HIPK3: variants seen among roughly 807,000 people sequenced by gnomAD.
HIPK3 encodes the protein homeodomain interacting protein kinase 3.
In HIPK3, 47 loss-of-function variants were observed where a neutral mutation model predicts 124.2. The ratio of observed to expected loss-of-function variants is 0.38; its 90% CI spans 0.30 to 0.48. The LOEUF (loss-of-function observed/expected upper bound fraction) is 0.48, where lower values mean the gene tolerates loss of function less well. Ranked by LOEUF, HIPK3 falls within the 20% of genes least tolerant of loss-of-function variation. HIPK3 has a pLI of 0.98. For synonymous variants in HIPK3, 482 were observed against 515.2 expected (o/e 0.94, Z 0.87); for missense variants, 1,286 against 1,454.3 (o/e 0.88, Z 1.88).
At chr11:33,353,047 T>C (rs865815789) in intron 16 of HIPK3, 45 bp from the exon 17 acceptor site, 1 of 1,125,960 alleles carries the variant, frequency 8.9e-7, no homozygotes, top group Middle Eastern at 2.0e-4. Context: ...CTTTTATCTT[T>C]TAAGGTATGT....
At chr11:33,348,943 A>G in intron 13 of HIPK3, 125 bp downstream of exon 13, 1 of 969,926 alleles carries the variant, frequency 1.0e-6, no homozygotes, top group Non-Finnish European at 1.5e-6. Context: ...TAAATTAGAT[A>G]ACCCAGTTCT....
chr11:33,274,635 G>T (rs938759848), intron 1 of HIPK3, among the ~76,000 whole-genome samples: 1 of 152,056 alleles, frequency 6.6e-6, no homozygotes, highest in East Asian at 1.9e-4. Context: ...TTCTGTCAGG[G>T]TTTCCATTTC....
At chr11:33,259,571 C>A (rs1278270834) in intron 1 of HIPK3, among the ~76,000 whole-genome samples, 1 of 152,110 alleles carries the variant, frequency 6.6e-6, no homozygotes, top group Admixed American at 6.5e-5. Context: ...AGTTTTAAGT[C>A]AATGAAATAT....
chr11:33,284,596 T>G (rs1332003499), intron 1 of HIPK3, among the ~76,000 whole-genome samples: 1 of 152,202 alleles, frequency 6.6e-6, no homozygotes, highest in Non-Finnish European at 1.5e-5. Context: ...AGTTGGAGGC[T>G]GCAGTGAGCT....
In HIPK3 at chr11:33,355,013, A is replaced by G. The variant is rs892209944; in HGVS notation, c.*1445A>G. The G allele has an allele frequency of 1.3e-5, 2 of 152,104 alleles. No individual in the cohort carries two copies. Among genetic ancestry groups the G allele is most frequent in the African/African-American group, 2.4e-5 (1 of 41,458 alleles). 9.4% of individuals were successfully genotyped at this position (152,104 alleles called of 1,614,324 possible). A position where few individuals can be genotyped will look rare whatever the true frequency, so the allele number is the denominator to read the frequency against. ...GTAAAGGTGGAATTTAAGGAAAGGT[A>G]TTAAATTGAGGCTGTGTTTTAGCTT... On this transcript the variant is annotated 3_prime_UTR_variant, in exon 17 of 17. Transcript: ENST00000303296.
chr11:33,348,346 A>G, intron 12 of HIPK3, 118 bp downstream of exon 12: 2 of 1,039,122 alleles, frequency 1.9e-6, no homozygotes, highest in African/African-American at 1.6e-5. Context: ...AATGCAGTCT[A>G]CATGGATATT....
In HIPK3 at chr11:33,356,404, TA is replaced by T. The variant is rs1853817265; in HGVS notation, c.*2838del. On this transcript the variant is annotated 3_prime_UTR_variant, in exon 17 of 17. Coordinates refer to ENST00000303296, the MANE Select transcript of HIPK3 (RefSeq NM_005734.5). ...CATTTTGACCAGTTTTCTTCGGTTT[TA>T]ATGCTTTCTTAAATAAAACACTGCA... is the stretch of plus-strand genomic sequence containing the variant. 1 of 152,070 alleles carries T rather than the reference TA, an allele frequency of 6.6e-6. No homozygotes were observed. Among genetic ancestry groups the T allele is most frequent in the African/African-American group, 2.4e-5 (1 of 41,452 alleles). The allele number at this position is 152,070 out of a possible 1,614,324, so 9.4% of individuals were successfully genotyped here.
chr11:33,270,617 A>G (rs1565054782), intron 1 of HIPK3, among the ~76,000 whole-genome samples: 1 of 152,220 alleles, frequency 6.6e-6, no homozygotes, highest in African/African-American at 2.4e-5. Context: ...GCAAATTATG[A>G]TATGCACATA....
In HIPK3 at chr11:33,310,676, A is replaced by G. The variant is rs1852309417; in HGVS notation, c.1098-17834A>G. Among the ~76,000 whole-genome samples, 3 of 152,346 alleles carry G rather than the reference A, an allele frequency of 2.0e-5. No homozygotes were observed. The South Asian group carries it at 6.2e-4, about 32-fold the overall frequency. ...TAAATTCCTCAGTTACATTAGCCAC[A>G]TCTCAGGTGCCCAATAGCTACATGT... On this transcript the variant is annotated intron_variant, in intron 2 of 16. Transcript: ENST00000303296.
chr11:33,353,787 G>A lies in HIPK3; in HGVS notation c.*219G>A, dbSNP rs1373121999. 4.1e-6 allele frequency: 2 copies of A among 491,098 alleles called. No individual in the cohort carries two copies. Among genetic ancestry groups the A allele is most frequent in the East Asian group, 3.8e-5 (1 of 26,638 alleles). 30.4% of individuals were successfully genotyped at this position (491,098 alleles called of 1,614,324 possible). The stretch of plus-strand genomic sequence containing the variant: ...GTTATCTTCTTATGTAGTAACTCTA[G>A]ACAGGTGACTTATGGGAGCAGAAGT... On this transcript the variant is annotated 3_prime_UTR_variant, in exon 17 of 17. Coordinates refer to ENST00000303296, the MANE Select transcript of HIPK3 (RefSeq NM_005734.5).
At chr11:33,350,693 G>A (rs1262294911) in intron 14 of HIPK3, among the ~76,000 whole-genome samples, 1 of 151,480 alleles carries the variant, frequency 6.6e-6, no homozygotes, top group Admixed American at 6.6e-5. Flanking sequence ...AAGGAAGGAA[G>A]GAGGGGAAGG....
At chr11:33,275,721 A>C (rs541857401) in intron 1 of HIPK3, among the ~76,000 whole-genome samples, 1 of 152,362 alleles carries the variant, frequency 6.6e-6, no homozygotes, top group South Asian at 2.1e-4. Context: ...ATTGGATCAT[A>C]TAGTGAAGTT....
At chr11:33,281,058 CTTTTTTTTTTTTTTTTTTT>C (rs56902582) in intron 1 of HIPK3, among the ~76,000 whole-genome samples, 1 of 111,808 alleles carries the variant, frequency 8.9e-6, no homozygotes, top group Non-Finnish European at 1.7e-5. Flanking sequence ...ACTTATTTGA[CTTTTTTTTTTTTTTTTTTT>C]TTTTTTTTTT....
intron 2 of HIPK3, among the ~76,000 whole-genome samples, chr11:33,328,116 TTCTC>T (rs747150463): frequency 4.6e-5 from 7 of 152,204 alleles, no homozygotes; most frequent in African/African-American, 1.7e-4. Flanking sequence ...TGTTTTTGTT[TTCTC>T]TCTCAATGTC....
At chr11:33,338,897 A>G in intron 5 of HIPK3, 54 bp downstream of exon 5, 1 of 1,267,684 alleles carries the variant, frequency 7.9e-7, no homozygotes, top group Non-Finnish European at 1.1e-6. Context: ...GTAGACTTGA[A>G]TGCCAAGGGG....
intron 8 of HIPK3, among the ~76,000 whole-genome samples, chr11:33,344,604 A>C (rs937255185): frequency 6.6e-6 from 1 of 152,234 alleles, no homozygotes; most frequent in Non-Finnish European, 1.5e-5. Flanking sequence ...AGTGGTTTAC[A>C]ATATGGGATA....
In HIPK3 at chr11:33,338,813, C is replaced by T. The variant is rs564378173; in HGVS notation, c.1398C>T (p.Tyr466=). 9 of 1,612,596 alleles carry T rather than the reference C, an allele frequency of 5.6e-6. No homozygotes were observed. Among genetic ancestry groups the T allele is most frequent in the East Asian group, 2.2e-5 (1 of 44,810 alleles). The change falls in exon 5 of 17, where the codon TAC becomes TAT. Residue 466 remains tyrosine (Y), a synonymous_variant. Coordinates refer to ENST00000303296, the MANE Select transcript of HIPK3 (RefSeq NM_005734.5). ...TGMKSKEARK[Y]IFNSLDDVAH... is the part of the protein sequence containing the mutation. ...TGAAGTCTAAAGAAGCCAGAAAATA[C>T]ATTTTCAACAGTCTGGATGATGTAG...
intron 2 of HIPK3, among the ~76,000 whole-genome samples, chr11:33,296,086 T>C (rs1043491072): frequency 1.3e-5 from 2 of 152,216 alleles, no homozygotes; most frequent in Admixed American, 1.3e-4. Context: ...CCTCCCTTCC[T>C]TTCTTTCAGT....
intron 2 of HIPK3, among the ~76,000 whole-genome samples, chr11:33,301,905 A>G (rs978854994): frequency 6.6e-6 from 1 of 150,882 alleles, no homozygotes; most frequent in Non-Finnish European, 1.5e-5. Context: ...GCTCTGTGCC[A>G]TGAGAATATA....
Sources: gnomAD v4.1 joint callset for allele counts (sites outside exome capture counted in the v4.1 genomes callset) on GRCh38, gnomAD v4.1.1 for gene constraint, MANE v1.5 for transcripts, NCBI Gene and HGNC (gene_info 2026-07-23, HGNC 2026-07-21) for gene names.